OTX1: variants seen among roughly 807,000 people sequenced by gnomAD.
The protein encoded by OTX1 is orthodenticle homeobox 1.
In OTX1, 7 loss-of-function variants were observed where a neutral mutation model predicts 26.7. The ratio of observed to expected loss-of-function variants is 0.26; its 90% confidence interval spans 0.15 to 0.49. OTX1 has a LOEUF of 0.49. Among genes scored for constraint, OTX1 ranks in the 20% least tolerant of loss-of-function variants. OTX1 has a pLI of 0.98. For synonymous variants in OTX1, 216 were observed against 212.8 expected (o/e 1.01, Z -0.13); for missense variants, 414 against 483.8 (o/e 0.86, Z 1.35).
In OTX1 at chr2:63,057,022, G is replaced by C. The variant is rs542491620; in HGVS notation, c.*706G>C. On this transcript the variant is annotated 3_prime_UTR_variant, in exon 5 of 5. Coordinates refer to ENST00000282549, the MANE Select transcript of OTX1 (RefSeq NM_014562.4). Reference sequence around the variant, plus strand: ...CGCCTCGGCGGGAACGCTGTACATAGTCAGGTCCGTTCCAGGGACCACTTA... The same window carrying C: ...CGCCTCGGCGGGAACGCTGTACATACTCAGGTCCGTTCCAGGGACCACTTA... 2.0e-5 allele frequency: 3 copies of C among 152,430 alleles called. No individual in the cohort carries two copies. Among genetic ancestry groups the C allele is most frequent in the African/African-American group, 7.2e-5 (3 of 41,578 alleles). 9.4% of individuals were successfully genotyped at this position (152,430 alleles called of 1,614,324 possible).
Position 63,054,174 on chromosome 2 carries a change from C to A in OTX1, c.225C>A (p.Ile75=). ...IFMREEVALK[I]NLPESRVQVW... is the part of the protein sequence containing the mutation. ...TGCGGGAGGAGGTGGCGCTCAAGAT[C>A]AACCTGCCGGAGTCTAGAGTCCAGG... The change falls in exon 4 of 5, where the codon ATC becomes ATA. Residue 75 remains isoleucine, a synonymous_variant. Coordinates refer to ENST00000282549, the MANE Select transcript of OTX1 (RefSeq NM_014562.4). The A allele has an allele frequency of 6.2e-7, 1 of 1,606,254 alleles. No homozygotes were observed. The highest frequency in any genetic ancestry group is 8.5e-7 in the Non-Finnish European group (1 of 1,175,960).
intron 3 of OTX1, chr2:63,053,508 G>A (rs187041651): frequency 1.4e-4 from 27 of 186,494 alleles, no homozygotes; most frequent in Admixed American, 2.4e-4. Flanking sequence ...TGCACTGAAG[G>A]AGTATTCTTC....
rs1234175270 is a variant in OTX1 at position 63,055,926 on chromosome 2, C to T, written c.675C>T (p.Tyr225=). The T allele has an allele frequency of 1.9e-6, 3 of 1,612,708 alleles. No individual in the cohort carries two copies. The East Asian group carries it at 6.7e-5, about 36-fold the overall frequency. The change falls in exon 5 of 5, where the codon TAC becomes TAT. Residue 225 remains tyrosine, a synonymous_variant. Transcript: ENST00000282549. The surrounding 1 kb of genome is among the most constrained non-coding windows in gnomAD (Gnocchi z 5.2). ...CAGCAGCCTCTTATCCCATGTCCTA[C>T]GGCCAGGGCGGCAGCTACGGCCAAG... is the stretch of plus-strand genomic sequence containing the variant. ...ATAAASYPMS[Y]GQGGSYGQGY...
Position 63,056,331 on chromosome 2 carries a change from G to A in OTX1, c.*15G>A, listed in dbSNP as rs769967830. 1 of 1,596,872 alleles carries A rather than the reference G, an allele frequency of 6.3e-7. No homozygotes were observed. Among genetic ancestry groups the A allele is most frequent in the Non-Finnish European group, 8.6e-7 (1 of 1,168,824 alleles). On this transcript the variant is annotated 3_prime_UTR_variant, in exon 5 of 5. Transcript: ENST00000282549. ...AGGTCTTGTGAGCCCAGGAATGAAA[G>A]AGGAGAAGAAACGCAACTACCTGCG...
At chr2:63,050,443 G>T (rs997194254), upstream of OTX1, among the ~76,000 whole-genome samples, 2 of 152,142 alleles carry the variant, frequency 1.3e-5, no homozygotes, top group Non-Finnish European at 1.5e-5. Flanking sequence ...CGAAGGAACC[G>T]GTTCTCCAGC....
chr2:63,056,437 C>T lies in OTX1; in HGVS notation c.*121C>T, dbSNP rs1039128069. ...TTCTCCAAAACTGAATTTTCACCCC[C>T]CAAAAAGATGTCCATTGCCTGCACT... On this transcript the variant is annotated 3_prime_UTR_variant, in exon 5 of 5. Coordinates refer to ENST00000282549, the MANE Select transcript of OTX1 (RefSeq NM_014562.4). 3.2e-6 allele frequency: 3 copies of T among 923,826 alleles called. No individual in the cohort carries two copies. The highest frequency in any genetic ancestry group is 2.7e-5 in the Admixed American group (1 of 37,424). 57.2% of individuals were successfully genotyped at this position (923,826 alleles called of 1,614,324 possible).
chr2:63,053,263 G>A, intron 3 of OTX1, 176 bp downstream of exon 3: 1 of 496,206 alleles, frequency 2.0e-6, no homozygotes, highest in Non-Finnish European at 3.5e-6. Flanking sequence ...CAGAGTCGTG[G>A]GCGTGTGAGG....
chr2:63,051,089 G>C (rs1243090733), intron 1 of OTX1, 160 bp from the exon 2 acceptor site: 2 of 152,180 alleles, frequency 1.3e-5, no homozygotes, highest in Non-Finnish European at 2.9e-5. Context: ...GTGGGGCTTA[G>C]CAAACAAAGT....
chr2:63,053,876 C>T, intron 3 of OTX1, 171 bp from the exon 4 acceptor site: 1 of 667,856 alleles, frequency 1.5e-6, no homozygotes, highest in South Asian at 2.0e-5. Flanking sequence ...TCTGCACTTT[C>T]TCCCACCTGT....
chr2:63,055,726 G>A lies in OTX1; in HGVS notation c.475G>A (p.Gly159Arg), dbSNP rs766081372. The A allele has an allele frequency of 6.2e-7, 1 of 1,613,098 alleles. No homozygotes were observed. Among genetic ancestry groups the A allele is most frequent in the African/African-American group, 1.3e-5 (1 of 75,056 alleles). ...GGCTGCAGCGGCTGCGGGACTAGGT[G>A]GGAACCCGGTGGCGGCCGCGTCGTC... Reference protein sequence around the residue: ...PAAAAAAGLGGNPVAAASSLS... With the variant: ...PAAAAAAGLGRNPVAAASSLS... Residue 159 changes from glycine (G) to arginine (R), a missense_variant, in exon 5 of 5, where the codon GGG becomes AGG. Transcript: ENST00000282549. This position sits in a 1 kb window ranked among gnomAD's most constrained non-coding sequence, Gnocchi z 5.2.
chr2:63,057,291 C>G lies in OTX1; in HGVS notation c.*975C>G, dbSNP rs1316402595. 1 of 152,192 alleles carries G rather than the reference C, an allele frequency of 6.6e-6. No individual in the cohort carries two copies. Among genetic ancestry groups the G allele is most frequent in the Non-Finnish European group, 1.5e-5 (1 of 68,084 alleles). The allele number at this position is 152,192 out of a possible 1,614,324, so 9.4% of individuals were successfully genotyped here. A position where few individuals can be genotyped will look rare whatever the true frequency, so the allele number is the denominator to read the frequency against. Reference sequence around the variant, plus strand: ...CCTGCCCTCTTCACATCTTCTCCCTCTGTGTATTTATTGAAGAGAACCGCT... The same window carrying G: ...CCTGCCCTCTTCACATCTTCTCCCTGTGTGTATTTATTGAAGAGAACCGCT... On this transcript the variant is annotated 3_prime_UTR_variant, in exon 5 of 5. Coordinates refer to ENST00000282549, the MANE Select transcript of OTX1 (RefSeq NM_014562.4).
Position 63,052,900 on chromosome 2 carries a change from A to T in OTX1, c.-91A>T. ...CATAGGCCAGGCCCCCAGACGCATC[A>T]GACCCTGAAGGACTGCGTGGTGGGA... On this transcript the variant is annotated 5_prime_UTR_variant, in exon 3 of 5. Transcript: ENST00000282549. 1 of 785,858 alleles carries T rather than the reference A, an allele frequency of 1.3e-6. No individual in the cohort carries two copies. Among genetic ancestry groups the T allele is most frequent in the Non-Finnish European group, 2.1e-6 (1 of 471,900 alleles). 48.7% of individuals were successfully genotyped at this position (785,858 alleles called of 1,614,324 possible).
At position 63,053,919 on chromosome 2, in the gene OTX1, C is replaced by A; in HGVS notation, c.98-128C>A. On this transcript the variant is annotated intron_variant, in intron 3 of 4. Transcript: ENST00000282549. Reference sequence around the variant, plus strand: ...CAGGCTCGGCCGCCCGAGGGAGTTTCTTTTATTCCCAGTTCGGCTTTCTTT... The same window carrying A: ...CAGGCTCGGCCGCCCGAGGGAGTTTATTTTATTCCCAGTTCGGCTTTCTTT... The A allele has an allele frequency of 3.5e-6, 4 of 1,141,016 alleles. No individual in the cohort carries two copies. In the South Asian group the frequency reaches 5.0e-5, roughly 14 times the overall value. 70.7% of individuals were successfully genotyped at this position (1,141,016 alleles called of 1,614,324 possible).
chr2:63,050,640 GGGGCGGGAGGGCGGGGA>G (rs1490709276), upstream of OTX1: 1 of 151,648 alleles, frequency 6.6e-6, no homozygotes, highest in Non-Finnish European at 1.5e-5. Context: ...CGACCGGGGC[GGGGCGGGAGGGCGGGGA>G]GGGCGGGGTG....
intron 3 of OTX1, chr2:63,053,832 T>C: frequency 3.5e-6 from 2 of 578,174 alleles, no homozygotes; most frequent in Middle Eastern, 4.6e-4. Flanking sequence ...GGGGCAGCCC[T>C]CGAATCTTGG....
rs1008417377 is a variant in OTX1 at position 63,057,390 on chromosome 2, T to C, written c.*1074T>C. 1.3e-5 allele frequency: 2 copies of C among 151,966 alleles called. No homozygotes were observed. Among genetic ancestry groups the C allele is most frequent in the African/African-American group, 4.8e-5 (2 of 41,328 alleles). 9.4% of individuals were successfully genotyped at this position (151,966 alleles called of 1,614,324 possible). On this transcript the variant is annotated 3_prime_UTR_variant, in exon 5 of 5. Transcript: ENST00000282549. ...ACAAGTCAGGGTACAGAGGTGGGGGTTGGGCAGGGGCGCAGGGCTGACCCC... is the reference window on the plus strand; with the variant it reads ...ACAAGTCAGGGTACAGAGGTGGGGGCTGGGCAGGGGCGCAGGGCTGACCCC...
At position 63,056,342 on chromosome 2, in the gene OTX1, A is replaced by T; in HGVS notation, c.*26A>T. On this transcript the variant is annotated 3_prime_UTR_variant, in exon 5 of 5. Transcript: ENST00000282549. ...GCCCAGGAATGAAAGAGGAGAAGAA[A>T]CGCAACTACCTGCGCCCTCCGTGGT... The T allele has an allele frequency of 6.3e-7, 1 of 1,580,748 alleles. No individual in the cohort carries two copies. Among genetic ancestry groups the T allele is most frequent in the Non-Finnish European group, 8.6e-7 (1 of 1,156,882 alleles).
At chr2:63,053,902 G>T in intron 3 of OTX1, 145 bp from the exon 4 acceptor site, 1 of 941,356 alleles carries the variant, frequency 1.1e-6, no homozygotes, top group Non-Finnish European at 1.5e-6. Flanking sequence ...CTCAGGCTCG[G>T]CCGCCCGAGG....
chr2:63,055,431 C>T lies in OTX1; in HGVS notation c.250-70C>T. The T allele has an allele frequency of 2.0e-6, 3 of 1,492,544 alleles. No homozygotes were observed. The highest frequency in any genetic ancestry group is 1.9e-5 in the Admixed American group (1 of 51,398). 92.5% of individuals were successfully genotyped at this position (1,492,544 alleles called of 1,614,324 possible). A position where few individuals can be genotyped will look rare whatever the true frequency, so the allele number is the denominator to read the frequency against. ...GATATTCTGGACCGGGAGTTGGGTC[C>T]GCGGGGCGGTGGAGCAACAAGCTCC... On this transcript the variant is annotated intron_variant, in intron 4 of 4. Transcript: ENST00000282549. The surrounding 1 kb of genome is among the most constrained non-coding windows in gnomAD (Gnocchi z 5.2).
Sources: gnomAD v4.1 joint callset for allele counts (sites outside exome capture counted in the v4.1 genomes callset) on GRCh38, gnomAD v4.1.1 for gene constraint, Gnocchi (gnomAD v3.1) non-coding constraint, MANE v1.5 for transcripts, NCBI Gene and HGNC (gene_info 2026-07-23, HGNC 2026-07-21) for gene names.